The following ENTPD1 variants were observed in gnomAD, a reference collection of about 807,000 sequenced individuals.
The protein encoded by ENTPD1 is ectonucleoside triphosphate diphosphohydrolase 1, also known as ATP diphosphohydrolase.
In ENTPD1, 33 loss-of-function variants were observed where a neutral mutation model predicts 57.0. The ratio of observed to expected loss-of-function variants is 0.58; its 90% CI spans 0.44 to 0.77. ENTPD1 has a LOEUF of 0.77. Ranked by LOEUF, ENTPD1 falls within the 30% of genes least tolerant of loss-of-function variation. The pLI is 0.00. For missense variants in ENTPD1, 501 were observed against 603.4 expected, an observed-to-expected ratio of 0.83 and a Z score of 1.78; for synonymous variants, 202 against 218.8, an observed-to-expected ratio of 0.92 and a Z score of 0.68.
intron 7 of ENTPD1, among the ~76,000 whole-genome samples, chr10:95,848,189 G>A (rs2098439050): frequency 6.6e-6 from 1 of 152,122 alleles, no homozygotes; most frequent in African/African-American, 2.4e-5. Context: ...TCCCAGGGCT[G>A]GGGATGCTAA....
intron 1 of ENTPD1, among the ~76,000 whole-genome samples, chr10:95,774,283 C>G (rs1323997258): frequency 6.6e-6 from 1 of 152,126 alleles, no homozygotes; most frequent in Non-Finnish European, 1.5e-5. Flanking sequence ...TGTAGGTTGT[C>G]TGTTCACTCT....
chr10:95,745,762 A>G (rs1357643677), intron 1 of ENTPD1, among the ~76,000 whole-genome samples: 1 of 151,664 alleles, frequency 6.6e-6, no homozygotes, highest in East Asian at 1.9e-4. Flanking sequence ...AGTTCAGCAA[A>G]CTCTCATTGA....
At chr10:95,853,443 C>T (rs1032541758) in intron 7 of ENTPD1, among the ~76,000 whole-genome samples, 2 of 152,078 alleles carry the variant, frequency 1.3e-5, no homozygotes, top group African/African-American at 4.8e-5. Flanking sequence ...TGCCTGATTG[C>T]CCTGGCCAGA....
intron 1 of ENTPD1, among the ~76,000 whole-genome samples, chr10:95,723,054 G>C (rs1349078253): frequency 2.6e-5 from 4 of 152,182 alleles, no homozygotes; most frequent in African/African-American, 9.7e-5. Flanking sequence ...GCGGGTTACT[G>C]GGTTAAGGAT....
intron 1 of ENTPD1, among the ~76,000 whole-genome samples, chr10:95,738,783 T>G (rs1434837892): frequency 6.6e-6 from 1 of 152,104 alleles, no homozygotes; most frequent in Non-Finnish European, 1.5e-5. Context: ...ATTACCTATT[T>G]ATTAAGCACA....
chr10:95,810,439 C>T (rs940501641), intron 1 of ENTPD1, among the ~76,000 whole-genome samples: 6 of 144,968 alleles, frequency 4.1e-5, no homozygotes, highest in East Asian at 2.1e-4. Flanking sequence ...CCTCACTTCC[C>T]GGATAGGGCA....
exon 1 of ENTPD1, chr10:95,711,846 C>A: frequency 6.7e-7 from 1 of 1,503,526 alleles, no homozygotes; most frequent in Non-Finnish European, 9.2e-7. Context: ...CCTTTTTTGT[C>A]AGCGATTGTC....
At chr10:95,825,560 GTTTC>G (rs1447264329) in intron 2 of ENTPD1, among the ~76,000 whole-genome samples, 1 of 151,870 alleles carries the variant, frequency 6.6e-6, no homozygotes, top group African/African-American at 2.4e-5. Context: ...TTTGTTTTTT[GTTTC>G]TTTGTTTGGG....
chr10:95,766,693 G>C (rs946346308), intron 1 of ENTPD1, among the ~76,000 whole-genome samples: 1 of 151,816 alleles, frequency 6.6e-6, no homozygotes, highest in African/African-American at 2.4e-5. Context: ...TTGATTCTCT[G>C]TTTTAATAAA....
rs199915134 is a variant in ENTPD1, at chr10:95,839,775, G to A, written c.229G>A (p.Val77Met). 214 of 1,614,050 alleles carry A rather than the reference G, an allele frequency of 1.3e-4. No homozygotes were observed. The highest frequency in any genetic ancestry group is 1.1e-3 in the East Asian group (51 of 44,876). ...AGCAGAAAAGGAGAATGACACAGGC[G>A]TGGTGCATCAAGTAGAAGAATGCAG... The part of the protein sequence containing the change: ...WPAEKENDTG[V>M]VHQVEECRVK... Residue 77 changes from valine (V) to methionine (M), a missense_variant, in exon 3 of 10, where the codon GTG (valine) becomes ATG (methionine). Transcript: ENST00000371205.
At chr10:95,729,880 A>G (rs2097987496) in intron 1 of ENTPD1, among the ~76,000 whole-genome samples, 1 of 152,186 alleles carries the variant, frequency 6.6e-6, no homozygotes. Flanking sequence ...AGAGGAAATA[A>G]TTGCCTTTTG....
chr10:95,780,203 C>T (rs1475244400), intron 1 of ENTPD1, among the ~76,000 whole-genome samples: 2 of 152,196 alleles, frequency 1.3e-5, no homozygotes, highest in Non-Finnish European at 2.9e-5. Flanking sequence ...TATTGAACAT[C>T]TGTCCTCCCA....
At position 95,870,600 on chromosome 10, in the gene ENTPD1, C is replaced by T; in HGVS notation, c.*4217C>T. ...GGCCAAGATGAATATTTTAATAGCT[C>T]ACAGAACAAAGTTTGCCACATAATG... On this transcript the variant is annotated 3_prime_UTR_variant, in exon 10 of 10. Transcript: ENST00000371205. 1 of 985,454 alleles carries T rather than the reference C, an allele frequency of 1.0e-6. No individual in the cohort carries two copies. The highest frequency in any genetic ancestry group is 1.2e-6 in the Non-Finnish European group (1 of 829,934). 61.0% of individuals were successfully genotyped at this position (985,454 alleles called of 1,614,324 possible).
At chr10:95,824,199 T>C (rs998469013) in intron 2 of ENTPD1, among the ~76,000 whole-genome samples, 19 of 152,240 alleles carry the variant, frequency 1.2e-4, no homozygotes. Flanking sequence ...AACAAATATA[T>C]AAGGGCCCAG....
chr10:95,813,807 G>A (rs769644529), intron 1 of ENTPD1, among the ~76,000 whole-genome samples: 4 of 152,078 alleles, frequency 2.6e-5, no homozygotes, highest in Non-Finnish European at 5.9e-5. Context: ...AAAATAAGGC[G>A]GTATAAATGA....
intron 6 of ENTPD1, among the ~76,000 whole-genome samples, chr10:95,846,970 C>T (rs952369559): frequency 6.8e-6 from 1 of 146,866 alleles, no homozygotes; most frequent in Non-Finnish European, 1.5e-5. Context: ...GCCTGGGCGA[C>T]AGAGCAAGAC....
intron 1 of ENTPD1, among the ~76,000 whole-genome samples, chr10:95,812,476 A>G (rs1416987359): frequency 6.6e-6 from 1 of 152,194 alleles, no homozygotes; most frequent in African/African-American, 2.4e-5. Context: ...CCCAATTTGT[A>G]TACATTTGCC....
chr10:95,770,978 G>A (rs533715041), intron 1 of ENTPD1, among the ~76,000 whole-genome samples: 2 of 152,150 alleles, frequency 1.3e-5, no homozygotes, highest in South Asian at 4.1e-4. Flanking sequence ...ATAAAAATTT[G>A]TGTAAGTTTA....
upstream of ENTPD1, among the ~76,000 whole-genome samples, chr10:95,752,638 C>G (rs1174707125): frequency 6.6e-6 from 1 of 152,100 alleles, no homozygotes. Context: ...GCACTCCAGC[C>G]TGGGCAATAA....
Sources: gnomAD v4.1 joint callset for allele counts (sites outside exome capture counted in the v4.1 genomes callset) on GRCh38, gnomAD v4.1.1 for gene constraint, MANE v1.5 for transcripts, NCBI Gene and HGNC (gene_info 2026-07-23, HGNC 2026-07-21) for gene names.